HDAC4: variants seen among roughly 807,000 people sequenced by gnomAD.
The protein encoded by HDAC4 is histone deacetylase 4.
Under a neutral mutation model 135.1 loss-of-function variants are expected in HDAC4, and 16 were observed. The observed-to-expected ratio is 0.12, with a 90% CI of 0.08 to 0.18. The LOEUF is 0.18. HDAC4 is among the 10% of genes least tolerant of loss of function. HDAC4 has a pLI of 1.00. For synonymous variants in HDAC4, 685 were observed against 653.4 expected, an observed-to-expected ratio of 1.05 and a Z score of -0.74; for missense variants, 1,143 against 1,511.8, an observed-to-expected ratio of 0.76 and a Z score of 4.05.
At chr2:239,355,862 C>T (rs762293629) in intron 1 of HDAC4, among the ~76,000 whole-genome samples, 2 of 152,338 alleles carry the variant, frequency 1.3e-5, no homozygotes, top group South Asian at 2.1e-4. Flanking sequence ...CTGACATGCA[C>T]GGTTCCTAGC....
intron 2 of HDAC4, among the ~76,000 whole-genome samples, chr2:239,320,423 A>AACAG (rs1168874669): frequency 6.6e-6 from 1 of 150,506 alleles, no homozygotes; most frequent in East Asian, 1.9e-4. Context: ...CAAACAAACA[A>AACAG]AAAAATTTAG....
chr2:239,273,550 G>A (rs536162140), intron 2 of HDAC4, among the ~76,000 whole-genome samples: 1 of 152,306 alleles, frequency 6.6e-6, no homozygotes, highest in South Asian at 2.1e-4. Flanking sequence ...AGGAAGGAAT[G>A]AAGCTAGACA....
At chr2:239,100,022 G>A (rs1050625014) in intron 16 of HDAC4, among the ~76,000 whole-genome samples, 1 of 152,236 alleles carries the variant, frequency 6.6e-6, no homozygotes, top group African/African-American at 2.4e-5. Flanking sequence ...GCAATGAGGC[G>A]CCCTTAAAAC....
chr2:239,136,593 G>C (rs966291291), intron 9 of HDAC4, among the ~76,000 whole-genome samples: 2 of 152,210 alleles, frequency 1.3e-5, no homozygotes, highest in Non-Finnish European at 2.9e-5. Context: ...AATCACCAGA[G>C]TGAAGAGACG....
chr2:239,281,375 C>T (rs1330180852), intron 2 of HDAC4, among the ~76,000 whole-genome samples: 1 of 111,142 alleles, frequency 9.0e-6, no homozygotes, highest in African/African-American at 3.0e-5. Context: ...CACCACTCTA[C>T]ACACCATGTA....
intron 24 of HDAC4, among the ~76,000 whole-genome samples, chr2:239,056,101 G>A (rs923568400): frequency 3.9e-5 from 6 of 152,184 alleles, no homozygotes; most frequent in South Asian, 2.1e-4. Context: ...TGGCAGCTCC[G>A]CCAGGCCAGG....
At chr2:239,094,956 C>G (rs1161320522) in intron 17 of HDAC4, 54 bp downstream of exon 17, 1 of 1,612,970 alleles carries the variant, frequency 6.2e-7, no homozygotes, top group South Asian at 1.1e-5. Context: ...TTTCTGTGAC[C>G]ACTGGGACTC....
chr2:239,382,245 T>C (rs996533624), intron 1 of HDAC4, among the ~76,000 whole-genome samples: 2 of 152,256 alleles, frequency 1.3e-5, no homozygotes, highest in Admixed American at 6.5e-5. Flanking sequence ...TTTAAATGAA[T>C]AGAATTAATG....
rs908134475 is a variant in HDAC4, at chr2:239,378,280, G to A, written c.-220+22698C>T. Among the ~76,000 whole-genome samples, 14 of 152,162 alleles carry A rather than the reference G, an allele frequency of 9.2e-5. No homozygotes were observed. The South Asian group carries it at 1.0e-3, about 11-fold the overall frequency. ...AGCACCCAGGCACATAAAGTCCAGC[G>A]GTGACCAGGGTGGGGAGGGCACTAA... is the stretch of plus-strand genomic sequence containing the variant. On this transcript the variant is annotated intron_variant, in intron 1 of 26. Transcript: ENST00000543185.
intron 3 of HDAC4, among the ~76,000 whole-genome samples, chr2:239,193,543 A>G (rs1384170565): frequency 6.6e-6 from 1 of 152,216 alleles, no homozygotes; most frequent in Non-Finnish European, 1.5e-5. Context: ...CACCGAGGGC[A>G]GGGGCTGCCT....
chr2:239,192,634 T>C (rs1027942903), intron 3 of HDAC4, among the ~76,000 whole-genome samples: 9 of 152,138 alleles, frequency 5.9e-5, no homozygotes, highest in African/African-American at 2.2e-4. Flanking sequence ...GCTAAATGCT[T>C]TCCTGAACAC....
chr2:239,083,297 A>C (rs140587940), intron 20 of HDAC4, among the ~76,000 whole-genome samples: 160 of 152,118 alleles, frequency 1.1e-3, no homozygotes, highest in African/African-American at 3.6e-3. Flanking sequence ...CTTCCCAGGC[A>C]CTCCTACCTG....
At chr2:239,095,825 C>T (rs757853904) in intron 16 of HDAC4, among the ~76,000 whole-genome samples, 3 of 152,194 alleles carry the variant, frequency 2.0e-5, no homozygotes, top group Non-Finnish European at 2.9e-5. Context: ...AAGAGACCCC[C>T]ACTAACCAGG....
At chr2:239,246,588 G>A (rs1479352531) in intron 2 of HDAC4, among the ~76,000 whole-genome samples, 1 of 152,322 alleles carries the variant, frequency 6.6e-6, no homozygotes, top group East Asian at 1.9e-4. Context: ...TTCCTGCTCC[G>A]CAGGGCCCTG....
intron 4 of HDAC4, among the ~76,000 whole-genome samples, chr2:239,177,594 C>T (rs1003704130): frequency 6.6e-6 from 1 of 152,184 alleles, no homozygotes; most frequent in African/African-American, 2.4e-5. Flanking sequence ...CCCTTAAGGG[C>T]TGGCATTCTA....
intron 23 of HDAC4, among the ~76,000 whole-genome samples, chr2:239,067,799 G>A (rs1299779706): frequency 1.3e-5 from 2 of 152,222 alleles, no homozygotes; most frequent in East Asian, 1.9e-4. Context: ...GCCGACAGGA[G>A]TGGGGAGGGC....
At chr2:239,372,622 C>T (rs972004732) in intron 1 of HDAC4, among the ~76,000 whole-genome samples, 2 of 152,274 alleles carry the variant, frequency 1.3e-5, no homozygotes, top group East Asian at 3.9e-4. Flanking sequence ...CCTCTCTCTA[C>T]AGAGTGTACG....
In HDAC4 at chr2:239,094,192, G is replaced by A. The variant is rs992221077; in HGVS notation, c.2280+818C>T. 4.9e-5 allele frequency: 48 copies of A among 985,444 alleles called. No homozygotes were observed. In the African/African-American group the frequency reaches 8.4e-4, roughly 17 times the overall value. 61.0% of individuals were successfully genotyped at this position (985,444 alleles called of 1,614,324 possible). ...GGCACTGCAGGACCATGATGGCCCG[G>A]ATCTGCTCGGACGCTCCGCCTCAGC... On this transcript the variant is annotated intron_variant, in intron 17 of 26. Transcript: ENST00000543185.
At chr2:239,188,118 G>C (rs1314536579) in intron 4 of HDAC4, among the ~76,000 whole-genome samples, 1 of 152,174 alleles carries the variant, frequency 6.6e-6, no homozygotes, top group African/African-American at 2.4e-5. Flanking sequence ...GGCCAGAGGG[G>C]GCCGAGTACA....
Sources: allele counts gnomAD v4.1 joint callset (sites outside exome capture counted in the v4.1 genomes callset), GRCh38; gene constraint gnomAD v4.1.1; transcripts MANE v1.5; gene names NCBI Gene and HGNC (gene_info 2026-07-23, HGNC 2026-07-21).